BRINP1: variants seen among roughly 807,000 people sequenced by gnomAD.
BRINP1 encodes BMP/retinoic acid inducible neural specific 1, also known as BMP/retinoic acid-inducible neural-specific protein 1.
BRINP1 carries 17 observed loss-of-function variants against 72.9 expected under a neutral mutation model. The ratio of observed to expected loss-of-function variants is 0.23; its 90% CI spans 0.16 to 0.35. The LOEUF (loss-of-function observed/expected upper bound fraction) is 0.35, where lower values mean the gene tolerates loss of function less well. Ranked by LOEUF, BRINP1 falls within the 10% of genes least tolerant of loss-of-function variation. BRINP1 has a pLI of 1.00. For missense variants in BRINP1, 850 were observed against 1,001.6 expected, an observed-to-expected ratio of 0.85 and a Z score of 2.04; for synonymous variants, 418 against 378.5, an observed-to-expected ratio of 1.10 and a Z score of -1.21.
chr9:119,323,855 G>A (rs1369357678), intron 1 of BRINP1, among the ~76,000 whole-genome samples: 1 of 152,152 alleles, frequency 6.6e-6, no homozygotes, highest in Admixed American at 6.5e-5. Flanking sequence ...GAGGAAGAGT[G>A]AAGTTTCCAC....
chr9:119,211,338 C>G (rs1829924769), intron 6 of BRINP1, among the ~76,000 whole-genome samples: 1 of 152,154 alleles, frequency 6.6e-6, no homozygotes, highest in African/African-American at 2.4e-5. Context: ...GCTGGGATTA[C>G]AGGCATGTGC....
chr9:119,368,677 G>A lies in BRINP1; in HGVS notation c.-51+379C>T, dbSNP rs1202513240. On this transcript the variant is annotated intron_variant, in intron 1 of 7. Transcript: ENST00000265922. This position sits in a 1 kb window ranked among gnomAD's most constrained non-coding sequence, Gnocchi z 4.7. Reference sequence around the variant, plus strand: ...CACATCGCGCCGTAAGTAGGTTATAGGACCTCTCTCTCTTCACCCCTCCCT... The same window carrying A: ...CACATCGCGCCGTAAGTAGGTTATAAGACCTCTCTCTCTTCACCCCTCCCT... 6.6e-6 allele frequency among the ~76,000 whole-genome samples: 1 copy of A among 151,978 alleles called. No homozygotes were observed. The highest frequency in any genetic ancestry group is 1.5e-5 in the Non-Finnish European group (1 of 67,982).
intron 1 of BRINP1, among the ~76,000 whole-genome samples, chr9:119,338,751 C>T (rs1236589314): frequency 1.3e-5 from 2 of 149,932 alleles, no homozygotes; most frequent in East Asian, 2.0e-4. Flanking sequence ...AGAAATTAGC[C>T]GGGCGTGGTG....
intron 7 of BRINP1, among the ~76,000 whole-genome samples, chr9:119,182,251 T>A (rs867974584): frequency 2.0e-5 from 3 of 152,280 alleles, no homozygotes; most frequent in Admixed American, 6.5e-5. Flanking sequence ...TAGGGGAGCA[T>A]CTTTATGAAA....
At chr9:119,250,126 G>A (rs1390782190) in intron 2 of BRINP1, among the ~76,000 whole-genome samples, 1 of 116,608 alleles carries the variant, frequency 8.6e-6, no homozygotes, top group Non-Finnish European at 1.9e-5. Flanking sequence ...GGGAGGGAAG[G>A]AGGGAGGGAG....
chr9:119,232,408 A>C (rs112168609), intron 5 of BRINP1, among the ~76,000 whole-genome samples: 2 of 152,292 alleles, frequency 1.3e-5, no homozygotes, highest in African/African-American at 4.8e-5. Context: ...AAGTCAGGTC[A>C]AGTTACTTCT....
intron 2 of BRINP1, among the ~76,000 whole-genome samples, chr9:119,287,772 A>AT (rs1321775952): frequency 5.5e-4 from 84 of 152,240 alleles, no homozygotes; most frequent in African/African-American, 2.0e-3. Flanking sequence ...ATCAGACATA[A>AT]TTTTTTCAAT....
chr9:119,182,888 C>T (rs994595496), intron 7 of BRINP1, among the ~76,000 whole-genome samples: 13 of 152,114 alleles, frequency 8.5e-5, no homozygotes, highest in African/African-American at 2.9e-4. Context: ...AAAGCATATT[C>T]AAAAAGTCAA....
chr9:119,265,984 T>A (rs1588183622), intron 2 of BRINP1, among the ~76,000 whole-genome samples: 1 of 152,314 alleles, frequency 6.6e-6, no homozygotes, highest in Non-Finnish European at 1.5e-5. Flanking sequence ...AAATGCCAAG[T>A]GATAAGACAG....
chr9:119,169,581 A>C (rs888997295), intron 7 of BRINP1, among the ~76,000 whole-genome samples: 13 of 151,092 alleles, frequency 8.6e-5, no homozygotes, highest in Middle Eastern at 3.4e-3. Flanking sequence ...CCCAGGCTTG[A>C]TTAGGTAAAC....
rs1171824556 is a variant in BRINP1 at position 119,207,033 on chromosome 9, ATGAGT to A, written c.1145+1681_1145+1685del. Among the ~76,000 whole-genome samples, 3 of 152,362 alleles carry A rather than the reference ATGAGT, an allele frequency of 2.0e-5. No homozygotes were observed. In the East Asian group the frequency reaches 5.8e-4, roughly 29 times the overall value. ...TTTGGAGGGAATAGGGAAAACAGAG[ATGAGT>A]TTGAATGTCTGTACAAGGAGGAGGT... On this transcript the variant is annotated intron_variant, in intron 7 of 7. Transcript: ENST00000265922.
intron 1 of BRINP1, among the ~76,000 whole-genome samples, chr9:119,349,606 CT>C: frequency 6.6e-6 from 1 of 152,244 alleles, no homozygotes; most frequent in Admixed American, 6.5e-5. Context: ...TGGCCTAAAT[CT>C]TTTTTTAATT....
At chr9:119,345,503 C>T (rs1471378222) in intron 1 of BRINP1, among the ~76,000 whole-genome samples, 2 of 152,160 alleles carry the variant, frequency 1.3e-5, no homozygotes, top group Non-Finnish European at 2.9e-5. Context: ...CAGGTGATTT[C>T]ACCTCTTTGC....
chr9:119,184,251 C>A (rs1829589572), intron 7 of BRINP1, among the ~76,000 whole-genome samples: 1 of 152,132 alleles, frequency 6.6e-6, no homozygotes, highest in Admixed American at 6.5e-5. Flanking sequence ...TAAATACACC[C>A]CGGACAGCAC....
chr9:119,208,061 A>C (rs1174727833), intron 7 of BRINP1, among the ~76,000 whole-genome samples: 2 of 152,134 alleles, frequency 1.3e-5, no homozygotes, highest in African/African-American at 4.8e-5. Flanking sequence ...GTAAACCCTA[A>C]TTCTATGGAG....
intron 2 of BRINP1, among the ~76,000 whole-genome samples, chr9:119,300,811 T>A (rs887169526): frequency 2.0e-5 from 3 of 152,254 alleles, no homozygotes; most frequent in African/African-American, 7.2e-5. Flanking sequence ...TATTTTCAGT[T>A]CTTGCCTTAT....
At chr9:119,351,292 G>T (rs1296136883) in intron 1 of BRINP1, among the ~76,000 whole-genome samples, 1 of 152,112 alleles carries the variant, frequency 6.6e-6, no homozygotes, top group Non-Finnish European at 1.5e-5. Flanking sequence ...ACACAGAGCT[G>T]CCCTGATACG....
intron 7 of BRINP1, among the ~76,000 whole-genome samples, chr9:119,189,245 G>T (rs1262718756): frequency 6.6e-6 from 1 of 151,798 alleles, no homozygotes; most frequent in African/African-American, 2.4e-5. Flanking sequence ...AACCACAAAG[G>T]TAAACAAGGA....
chr9:119,366,223 G>GTGCC (rs1298114618), intron 1 of BRINP1, among the ~76,000 whole-genome samples: 1 of 152,076 alleles, frequency 6.6e-6, no homozygotes, highest in Non-Finnish European at 1.5e-5. Flanking sequence ...ATATGCTTCT[G>GTGCC]TGCCTGTAAT....
Sources: allele counts gnomAD v4.1 joint callset (sites outside exome capture counted in the v4.1 genomes callset), GRCh38; gene constraint gnomAD v4.1.1; non-coding constraint Gnocchi (gnomAD v3.1); transcripts MANE v1.5; gene names NCBI Gene and HGNC (gene_info 2026-07-23, HGNC 2026-07-21).